GPR149: variants seen among roughly 807,000 people sequenced by gnomAD.
GPR149 encodes the protein G protein-coupled receptor 149.
A neutral mutation model predicts 50.2 loss-of-function variants in GPR149; 50 were observed. The ratio of observed to expected loss-of-function variants is 1.00; its 90% CI spans 0.79 to 1.26. The LOEUF (loss-of-function observed/expected upper bound fraction) is 1.26. Ranked by LOEUF, GPR149 falls within the 50% of genes most tolerant of loss-of-function variation. GPR149 has a pLI of 0.00. For missense variants in GPR149, 983 were observed against 895.4 expected (o/e 1.10, Z -1.25); for synonymous variants, 405 against 358.2 (o/e 1.13, Z -1.48).
intron 3 of GPR149, among the ~76,000 whole-genome samples, chr3:154,343,954 G>A (rs892292103): frequency 1.3e-5 from 2 of 151,872 alleles, no homozygotes; most frequent in East Asian, 1.9e-4. Flanking sequence ...ATTCCAACCC[G>A]GGTGACAGTG....
chr3:154,372,985 T>A (rs1191833294), intron 3 of GPR149, among the ~76,000 whole-genome samples: 2 of 152,124 alleles, frequency 1.3e-5, no homozygotes, highest in Non-Finnish European at 2.9e-5. Context: ...ATTTTAGAAA[T>A]TCAGTAGCAG....
intron 3 of GPR149, among the ~76,000 whole-genome samples, chr3:154,378,694 G>A (rs984111167): frequency 5.3e-5 from 8 of 152,138 alleles, no homozygotes; most frequent in Non-Finnish European, 1.2e-4. Flanking sequence ...CACCAGCAAT[G>A]CACGTTTCAT....
intron 3 of GPR149, among the ~76,000 whole-genome samples, chr3:154,404,588 A>G (rs1711625505): frequency 6.6e-6 from 1 of 152,206 alleles, no homozygotes; most frequent in Admixed American, 6.5e-5. Flanking sequence ...AACTCAGTGT[A>G]GGAAAGGATT....
chr3:154,421,170 C>G lies in GPR149; in HGVS notation c.1492G>C (p.Gly498Arg). The G allele has an allele frequency of 6.2e-7, 1 of 1,613,408 alleles. No individual in the cohort carries two copies. Among genetic ancestry groups the G allele is most frequent in the Non-Finnish European group, 8.5e-7 (1 of 1,179,540 alleles). The stretch of plus-strand genomic sequence containing the variant: ...GTAGTTTCTTCATAGTTAATATCAC[C>G]TCCTGTTTTGTCAGAAAACGCATCC... ...KKDAFSDKTG[G>R]DINYEETTFS... is the part of the protein sequence containing the mutation. The change falls in exon 3 of 4, where the codon GGT becomes CGT. Residue 498 changes from glycine (G) to arginine (R), a missense_variant. Physicochemically the swap from Gly to Arg is moderately radical, Grantham distance 125 (BLOSUM62 -2). Transcript: ENST00000389740.
In GPR149 at chr3:154,335,570, T is replaced by C. The variant is rs1713637215; in HGVS notation, c.*2129A>G. 1 of 152,170 alleles carries C rather than the reference T, an allele frequency of 6.6e-6. No homozygotes were observed. The highest frequency in any genetic ancestry group is 6.5e-5 in the Admixed American group (1 of 15,276). The allele number at this position is 152,170 out of a possible 1,614,324, so 9.4% of individuals were successfully genotyped here. On this transcript the variant is annotated 3_prime_UTR_variant, in exon 4 of 4. Coordinates refer to ENST00000389740, the MANE Select transcript of GPR149 (RefSeq NM_001038705.3). ...GCAGAATTTTTATGTGCATCCATTA[T>C]ACAGTTAATTCAACAACCAAGGGCA...
At chr3:154,356,143 A>C (rs896448963) in intron 3 of GPR149, among the ~76,000 whole-genome samples, 5 of 152,228 alleles carry the variant, frequency 3.3e-5, no homozygotes, top group African/African-American at 1.2e-4. Context: ...ATGTTTGTAC[A>C]ACTTGGTAAA....
chr3:154,418,934 T>C (rs1174375680), intron 3 of GPR149, among the ~76,000 whole-genome samples: 1 of 152,124 alleles, frequency 6.6e-6, no homozygotes, highest in Non-Finnish European at 1.5e-5. Context: ...GTACTTTTAC[T>C]AAGGGAAGGT....
Position 154,335,245 on chromosome 3 carries a change from A to G in GPR149, c.*2454T>C, listed in dbSNP as rs1189927886. 6.6e-6 allele frequency: 1 copy of G among 152,194 alleles called. No individual in the cohort carries two copies. The highest frequency in any genetic ancestry group is 1.5e-5 in the Non-Finnish European group (1 of 68,014). 9.4% of individuals were successfully genotyped at this position (152,194 alleles called of 1,614,324 possible). On this transcript the variant is annotated 3_prime_UTR_variant, in exon 4 of 4. Transcript: ENST00000389740. ...AGAACAATATAACTATACAAGGGTA[A>G]GGTATTTGGCTATATCACAAGATAT...
chr3:154,414,585 C>T (rs1415112851), intron 3 of GPR149, among the ~76,000 whole-genome samples: 2 of 151,882 alleles, frequency 1.3e-5, no homozygotes, highest in Non-Finnish European at 2.9e-5. Context: ...AAAATAGAAA[C>T]TTTACATAGA....
intron 3 of GPR149, among the ~76,000 whole-genome samples, chr3:154,359,235 C>T (rs1025832857): frequency 2.6e-5 from 4 of 152,146 alleles, no homozygotes; most frequent in African/African-American, 9.6e-5. Context: ...TGGCATTATA[C>T]TCTGGTAGTT....
chr3:154,382,050 T>G (rs764665405), intron 3 of GPR149, among the ~76,000 whole-genome samples: 1 of 152,206 alleles, frequency 6.6e-6, no homozygotes, highest in Non-Finnish European at 1.5e-5. Flanking sequence ...TTTTTCTACA[T>G]AGTGAGTCAA....
chr3:154,400,190 G>T (rs1016758647), intron 3 of GPR149, among the ~76,000 whole-genome samples: 3 of 151,952 alleles, frequency 2.0e-5, no homozygotes, highest in Non-Finnish European at 1.5e-5. Flanking sequence ...GTTTCACCGT[G>T]TTAGCCAGGA....
intron 3 of GPR149, among the ~76,000 whole-genome samples, chr3:154,382,535 T>C (rs1250340131): frequency 6.6e-6 from 1 of 152,224 alleles, no homozygotes; most frequent in Non-Finnish European, 1.5e-5. Context: ...CTTGATCAAA[T>C]TTTTCAATTA....
At chr3:154,420,054 A>G (rs1376392562) in intron 3 of GPR149, among the ~76,000 whole-genome samples, 5 of 152,028 alleles carry the variant, frequency 3.3e-5, no homozygotes, top group Non-Finnish European at 7.4e-5. Context: ...TATTTAATCA[A>G]TGAGAATAAA....
At chr3:154,415,479 T>G (rs1023178570) in intron 3 of GPR149, among the ~76,000 whole-genome samples, 4 of 151,942 alleles carry the variant, frequency 2.6e-5, no homozygotes, top group African/African-American at 4.8e-5. Flanking sequence ...TGGATGAATT[T>G]TCAGCCACAC....
intron 1 of GPR149, 68 bp from the exon 2 acceptor site, chr3:154,427,776 A>C: frequency 1.1e-5 from 16 of 1,398,298 alleles, no homozygotes; most frequent in East Asian, 2.3e-5. Flanking sequence ...CCTTTTCTCC[A>C]CGCACGCTGC....
In GPR149 at chr3:154,410,782, A is replaced by G. The variant is rs909464372; in HGVS notation, c.1623+10257T>C. Among the ~76,000 whole-genome samples, 6 of 152,216 alleles carry G rather than the reference A, an allele frequency of 3.9e-5. No individual in the cohort carries two copies. In the East Asian group the frequency reaches 1.2e-3, roughly 29 times the overall value. On this transcript the variant is annotated intron_variant, in intron 3 of 3. Coordinates refer to ENST00000389740, the MANE Select transcript of GPR149 (RefSeq NM_001038705.3). ...CTCCACGGACAGCACTAGACAGGTCATCAAGACAGGAAGTCAACAAAGAAA... is the reference window on the plus strand; with the variant it reads ...CTCCACGGACAGCACTAGACAGGTCGTCAAGACAGGAAGTCAACAAAGAAA...
intron 2 of GPR149, among the ~76,000 whole-genome samples, chr3:154,423,512 T>C (rs1391930457): frequency 6.6e-6 from 1 of 151,920 alleles, no homozygotes; most frequent in African/African-American, 2.4e-5. Flanking sequence ...GTGTAATCAA[T>C]GGAAACATTT....
At chr3:154,410,162 T>C (rs1711795129) in intron 3 of GPR149, among the ~76,000 whole-genome samples, 1 of 152,138 alleles carries the variant, frequency 6.6e-6, no homozygotes, top group Non-Finnish European at 1.5e-5. Flanking sequence ...GACACAGTTT[T>C]TTTCAGACAA....
Sources: allele counts gnomAD v4.1 joint callset (sites outside exome capture counted in the v4.1 genomes callset), GRCh38; gene constraint gnomAD v4.1.1; transcripts MANE v1.5; gene names NCBI Gene and HGNC (gene_info 2026-07-23, HGNC 2026-07-21).